Variants in SLC1A1 observed in about 807,000 individuals in gnomAD.
SLC1A1 encodes solute carrier family 1 member 1.
Under a neutral mutation model 53.3 loss-of-function variants are expected in SLC1A1, and 43 were observed. The observed-to-expected ratio is 0.81, with a 90% CI of 0.63 to 1.04. The LOEUF (loss-of-function observed/expected upper bound fraction) is 1.04. Among genes scored for constraint, SLC1A1 ranks in the 50% least tolerant of loss-of-function variants. SLC1A1 has a pLI of 0.00. For missense variants in SLC1A1, 748 were observed against 664.9 expected (o/e 1.12, Z -1.37); for synonymous variants, 307 against 243.2 (o/e 1.26, Z -2.44).
At chr9:4,567,441 A>G (rs1207164044) in intron 5 of SLC1A1, among the ~76,000 whole-genome samples, 1 of 152,200 alleles carries the variant, frequency 6.6e-6, no homozygotes, top group Non-Finnish European at 1.5e-5. Context: ...ACATTTTGAC[A>G]TAATTGAATG....
chr9:4,504,744 G>C lies in SLC1A1; in HGVS notation c.91+13974G>C, dbSNP rs535231471. On this transcript the variant is annotated intron_variant, in intron 1 of 11. Transcript: ENST00000262352. ...CAGTGCTCTTACTGGTTTTTAAAAA[G>C]TTGATGTTTTCTTCTGTGTAAATTT... is the stretch of plus-strand genomic sequence containing the variant. Among the ~76,000 whole-genome samples, 37 of 152,260 alleles carry C rather than the reference G, an allele frequency of 2.4e-4. 1 individual carries two copies. Among genetic ancestry groups the C allele is most frequent in the African/African-American group, 6.7e-4 (28 of 41,552 alleles).
At chr9:4,577,688 T>G (rs1820688104) in intron 10 of SLC1A1, among the ~76,000 whole-genome samples, 1 of 152,216 alleles carries the variant, frequency 6.6e-6, no homozygotes, top group African/African-American at 2.4e-5. Context: ...TTGGCCAGGC[T>G]GGTCTTGAAC....
At chr9:4,558,409 C>T (rs890005046) in intron 2 of SLC1A1, among the ~76,000 whole-genome samples, 2 of 151,950 alleles carry the variant, frequency 1.3e-5, no homozygotes, top group South Asian at 4.2e-4. Flanking sequence ...TCTGATATAT[C>T]CGGGAAATTG....
At chr9:4,574,265 T>C (rs1820341984) in intron 8 of SLC1A1, among the ~76,000 whole-genome samples, 1 of 152,176 alleles carries the variant, frequency 6.6e-6, no homozygotes. Flanking sequence ...TTATTGGTTA[T>C]GTTAAAATAA....
intron 1 of SLC1A1, among the ~76,000 whole-genome samples, chr9:4,506,190 T>G (rs1820804323): frequency 1.3e-5 from 2 of 151,314 alleles, no homozygotes; most frequent in African/African-American, 4.9e-5. Flanking sequence ...CTCATGACCT[T>G]AAGTGATCCA....
At chr9:4,551,662 T>C (rs1358223238) in intron 2 of SLC1A1, among the ~76,000 whole-genome samples, 1 of 152,212 alleles carries the variant, frequency 6.6e-6, no homozygotes, top group Non-Finnish European at 1.5e-5. Context: ...AAAATTGCCA[T>C]TCAAGGTGGT....
chr9:4,575,588 C>A (rs571811867), intron 8 of SLC1A1, among the ~76,000 whole-genome samples: 1 of 152,166 alleles, frequency 6.6e-6, no homozygotes, highest in Admixed American at 6.5e-5. Flanking sequence ...GAAGGCTCAG[C>A]CCTACCTGAG....
chr9:4,573,122 G>C (rs1820212395), intron 7 of SLC1A1, among the ~76,000 whole-genome samples: 1 of 152,218 alleles, frequency 6.6e-6, no homozygotes, highest in African/African-American at 2.4e-5. Context: ...CTGAATGAAA[G>C]CTACCATCCG....
intron 7 of SLC1A1, among the ~76,000 whole-genome samples, chr9:4,573,411 G>A (rs1411936574): frequency 1.2e-4 from 18 of 152,152 alleles, no homozygotes. Flanking sequence ...AATGATGCAT[G>A]TAAAATACTT....
At chr9:4,546,349 T>C (rs889256194) in intron 2 of SLC1A1, among the ~76,000 whole-genome samples, 3 of 152,204 alleles carry the variant, frequency 2.0e-5, no homozygotes, top group African/African-American at 7.2e-5. Context: ...CATGTAATAT[T>C]TGTTTATTTG....
rs575117838 is a variant in SLC1A1 at position 4,583,757 on chromosome 9, G to C, written c.1328+585G>C. On this transcript the variant is annotated intron_variant, in intron 11 of 11. Coordinates refer to ENST00000262352, the MANE Select transcript of SLC1A1 (RefSeq NM_004170.6). The surrounding 1 kb of genome is among the most constrained non-coding windows in gnomAD (Gnocchi z 4.6). ...TGAGCTCATGTGAGTGGAGCATCTAGAACAGCGTTTGGCAGCCCATACATG... is the reference window on the plus strand; with the variant it reads ...TGAGCTCATGTGAGTGGAGCATCTACAACAGCGTTTGGCAGCCCATACATG... Among the ~76,000 whole-genome samples, 4 of 152,196 alleles carry C rather than the reference G, an allele frequency of 2.6e-5. No individual in the cohort carries two copies. Among genetic ancestry groups the C allele is most frequent in the Admixed American group, 2.6e-4 (4 of 15,288 alleles).
chr9:4,575,847 G>A (rs1489098354), intron 8 of SLC1A1, among the ~76,000 whole-genome samples, 154 bp from the exon 9 acceptor site: 1 of 152,172 alleles, frequency 6.6e-6, no homozygotes, highest in Non-Finnish European at 1.5e-5. Flanking sequence ...CTCATACATG[G>A]AATGGGACGT....
At chr9:4,530,652 A>AC (rs1816433990) in intron 1 of SLC1A1, among the ~76,000 whole-genome samples, 1 of 152,200 alleles carries the variant, frequency 6.6e-6, no homozygotes, top group African/African-American at 2.4e-5. Flanking sequence ...AACAGTGCAA[A>AC]CCACATTTCC....
chr9:4,529,139 C>G lies in SLC1A1; in HGVS notation c.92-15428C>G, dbSNP rs144674765. On this transcript the variant is annotated intron_variant, in intron 1 of 11. Transcript: ENST00000262352. ...ACCGCTCACCTTGGATCACAGCAGC[C>G]ACTTACAGGATTCGCACACTGCTTT... Among the ~76,000 whole-genome samples, 28 of 152,268 alleles carry G rather than the reference C, an allele frequency of 1.8e-4. 1 individual carries two copies. The East Asian group carries it at 5.4e-3, about 30-fold the overall frequency.
rs115282059 is a variant in SLC1A1 at position 4,516,858 on chromosome 9, G to A, written c.91+26088G>A. 6.1e-3 allele frequency among the ~76,000 whole-genome samples: 924 copies of A among 152,266 alleles called. 12 individuals are homozygous for A. Among genetic ancestry groups the A allele is most frequent in the African/African-American group, 0.021 (874 of 41,548 alleles). On this transcript the variant is annotated intron_variant, in intron 1 of 11. Coordinates refer to ENST00000262352, the MANE Select transcript of SLC1A1 (RefSeq NM_004170.6). ...AAATTCTCCTCCCTGGCATTCAAGG[G>A]CTTTCATGGTGTGCCCCAAGTGATT...
chr9:4,513,516 A>G (rs1821063398), intron 1 of SLC1A1, among the ~76,000 whole-genome samples: 1 of 152,188 alleles, frequency 6.6e-6, no homozygotes, highest in Non-Finnish European at 1.5e-5. Flanking sequence ...GCCAGTAAAT[A>G]CCTATTAGAG....
chr9:4,521,617 C>G (rs1055942586), intron 1 of SLC1A1, among the ~76,000 whole-genome samples: 60 of 152,144 alleles, frequency 3.9e-4, no homozygotes, highest in African/African-American at 1.4e-3. Context: ...CACATTTTTT[C>G]TTGTCATGAT....
At chr9:4,585,198 C>A in intron 11 of SLC1A1, 114 bp from the exon 12 acceptor site, 5 of 1,397,406 alleles carry the variant, frequency 3.6e-6, no homozygotes, top group Non-Finnish European at 5.0e-6. Context: ...ATGAGGACAG[C>A]ACTTTCTGCA....
At chr9:4,522,644 G>A (rs1408821752) in intron 1 of SLC1A1, among the ~76,000 whole-genome samples, 2 of 152,142 alleles carry the variant, frequency 1.3e-5, no homozygotes, top group Admixed American at 1.3e-4. Context: ...TGGCTGGGGA[G>A]GCCTCAGGAA....
Sources: gnomAD v4.1 joint callset for allele counts (sites outside exome capture counted in the v4.1 genomes callset) on GRCh38, gnomAD v4.1.1 for gene constraint, Gnocchi (gnomAD v3.1) non-coding constraint, MANE v1.5 for transcripts, NCBI Gene and HGNC (gene_info 2026-07-23, HGNC 2026-07-21) for gene names.